Variants in TYW1 observed in about 807,000 individuals in gnomAD.
TYW1 encodes tRNA-yW synthesizing protein 1 homolog, also known as S-adenosyl-L-methionine-dependent tRNA 4-demethylwyosine synthase TYW1.
TYW1 carries 46 observed loss-of-function variants against 96.2 expected under a neutral mutation model. The observed-to-expected ratio is 0.48, with a 90% CI of 0.38 to 0.61. The LOEUF is 0.61. Among genes scored for constraint, TYW1 ranks in the 20% least tolerant of loss-of-function variants. The pLI is 0.00. For missense variants in TYW1, 684 were observed against 909.6 expected, an observed-to-expected ratio of 0.75 and a Z score of 3.19; for synonymous variants, 274 against 323.0, an observed-to-expected ratio of 0.85 and a Z score of 1.63.
rs537007961 is a variant in TYW1 at position 67,047,391 on chromosome 7, C to T, written c.985-2558C>T. Among the ~76,000 whole-genome samples, 16 of 152,276 alleles carry T rather than the reference C, an allele frequency of 1.1e-4. No homozygotes were observed. In the South Asian group the frequency reaches 2.5e-3, roughly 24 times the overall value. On this transcript the variant is annotated intron_variant, in intron 7 of 15. Transcript: ENST00000359626. Reference sequence around the variant, plus strand: ...GAAAACAAAAGGCAAAGGATTCCTTCTATTTTAAACTATCTTAATAAAATA... The same window carrying T: ...GAAAACAAAAGGCAAAGGATTCCTTTTATTTTAAACTATCTTAATAAAATA...
At chr7:67,084,195 T>C (rs1209933009) in intron 11 of TYW1, among the ~76,000 whole-genome samples, 1 of 152,206 alleles carries the variant, frequency 6.6e-6, no homozygotes, top group African/African-American at 2.4e-5. Flanking sequence ...AAATTTTAGG[T>C]TAGTGGAAAG....
At chr7:67,160,023 C>T (rs563491192) in intron 13 of TYW1, among the ~76,000 whole-genome samples, 2 of 152,148 alleles carry the variant, frequency 1.3e-5, no homozygotes, top group South Asian at 2.1e-4. Flanking sequence ...CAGATGGTCT[C>T]GATCTCCTGA....
At chr7:67,019,151 G>A (rs1794138830) in intron 6 of TYW1, among the ~76,000 whole-genome samples, 1 of 152,162 alleles carries the variant, frequency 6.6e-6, no homozygotes, top group Admixed American at 6.6e-5. Flanking sequence ...GTCTGCTGCT[G>A]ATTGTTTGAC....
chr7:67,055,832 C>T lies in TYW1; in HGVS notation c.1103-3C>T. On this transcript the variant is annotated splice_region_variant and splice_polypyrimidine_tract_variant and intron_variant, in intron 8 of 15. Coordinates refer to ENST00000359626, the MANE Select transcript of TYW1 (RefSeq NM_018264.4). ...ACTTTGTGTTCCCTGCTTTTCCACTCAGGTTATCAGTTGATTGGGAGCCAC... is the reference window on the plus strand; with the variant it reads ...ACTTTGTGTTCCCTGCTTTTCCACTTAGGTTATCAGTTGATTGGGAGCCAC... 6.2e-7 allele frequency: 1 copy of T among 1,609,746 alleles called. No individual in the cohort carries two copies. Among genetic ancestry groups the T allele is most frequent in the South Asian group, 1.1e-5 (1 of 90,292 alleles).
At chr7:67,099,861 G>T (rs1253763995) in intron 12 of TYW1, among the ~76,000 whole-genome samples, 5 of 152,102 alleles carry the variant, frequency 3.3e-5, no homozygotes, top group African/African-American at 1.2e-4. Flanking sequence ...AATTAGCTGG[G>T]CATGATGGTG....
chr7:67,154,362 C>G (rs571572127), intron 13 of TYW1, among the ~76,000 whole-genome samples: 22 of 152,274 alleles, frequency 1.4e-4, no homozygotes, highest in Non-Finnish European at 2.8e-4. Flanking sequence ...ATATAGGACT[C>G]CCTTAAACAT....
chr7:67,015,591 G>A (rs985546791), intron 5 of TYW1, among the ~76,000 whole-genome samples: 1 of 152,122 alleles, frequency 6.6e-6, no homozygotes, highest in African/African-American at 2.4e-5. Flanking sequence ...GCCTCAAGCA[G>A]TCCTACCCAC....
chr7:67,149,998 GCTTA>G (rs758341156), intron 13 of TYW1, among the ~76,000 whole-genome samples: 5 of 151,458 alleles, frequency 3.3e-5, no homozygotes, highest in African/African-American at 7.3e-5. Context: ...TCTTCTCCTG[GCTTA>G]TGAAAGCAAA....
intron 7 of TYW1, among the ~76,000 whole-genome samples, chr7:67,045,599 G>T (rs1043345501): frequency 8.5e-5 from 13 of 152,200 alleles, no homozygotes; most frequent in Non-Finnish European, 1.6e-4. Flanking sequence ...TAAGATTCAT[G>T]TAGTCCTGTC....
chr7:67,072,145 T>C (rs1162951174), intron 10 of TYW1, among the ~76,000 whole-genome samples: 1 of 149,942 alleles, frequency 6.7e-6, no homozygotes, highest in Non-Finnish European at 1.5e-5. Context: ...CTAGCTCTTC[T>C]TCCCAGGCAT....
chr7:67,218,321 C>T (rs1375460109), intron 15 of TYW1, among the ~76,000 whole-genome samples: 1 of 151,076 alleles, frequency 6.6e-6, no homozygotes, highest in African/African-American at 2.4e-5. Flanking sequence ...ATTTTTGATG[C>T]TATTGTATTT....
rs369362793 is a variant in TYW1 at position 67,117,951 on chromosome 7, C to T, written c.1698+333C>T. Among the ~76,000 whole-genome samples, 18 of 152,250 alleles carry T rather than the reference C, an allele frequency of 1.2e-4. No individual in the cohort carries two copies. The East Asian group carries it at 3.3e-3, about 28-fold the overall frequency. On this transcript the variant is annotated intron_variant, in intron 13 of 15. Coordinates refer to ENST00000359626, the MANE Select transcript of TYW1 (RefSeq NM_018264.4). The stretch of plus-strand genomic sequence containing the variant: ...TCCTAGAACCAATTCCCCATAGATA[C>T]CCAACCCGGAATCTATGGAAGATTG...
intron 13 of TYW1, among the ~76,000 whole-genome samples, chr7:67,157,648 C>CGGAT (rs1183213170): frequency 6.6e-6 from 1 of 152,150 alleles, no homozygotes; most frequent in Non-Finnish European, 1.5e-5. Context: ...TTTGGCTGAA[C>CGGAT]GGATGCCCCT....
chr7:67,115,547 A>G (rs1378569114), intron 12 of TYW1, among the ~76,000 whole-genome samples: 1 of 152,114 alleles, frequency 6.6e-6, no homozygotes, highest in East Asian at 1.9e-4. Flanking sequence ...AGAAGTCTAG[A>G]CACTTGTGAT....
chr7:67,067,763 CT>C (rs949005597), intron 10 of TYW1, among the ~76,000 whole-genome samples: 1 of 151,852 alleles, frequency 6.6e-6, no homozygotes, highest in Non-Finnish European at 1.5e-5. Flanking sequence ...ACATTGTTTT[CT>C]TTTTTTTCTA....
chr7:67,074,753 A>G (rs1413200590), intron 10 of TYW1, among the ~76,000 whole-genome samples: 1 of 152,216 alleles, frequency 6.6e-6, no homozygotes, highest in African/African-American at 2.4e-5. Flanking sequence ...TCTCAACTGT[A>G]GAATAAAACA....
intron 11 of TYW1, among the ~76,000 whole-genome samples, chr7:67,089,905 A>G (rs1276245685): frequency 6.6e-6 from 1 of 152,188 alleles, no homozygotes; most frequent in African/African-American, 2.4e-5. Flanking sequence ...AAGTACTACC[A>G]TGGCAGGGAG....
chr7:67,075,434 T>G (rs1796171789), intron 10 of TYW1, among the ~76,000 whole-genome samples: 1 of 152,140 alleles, frequency 6.6e-6, no homozygotes, highest in African/African-American at 2.4e-5. Context: ...AAATGACCAG[T>G]AAGCACATGA....
chr7:67,006,985 A>G (rs530498053), intron 3 of TYW1, among the ~76,000 whole-genome samples: 4 of 97,560 alleles, frequency 4.1e-5, no homozygotes, highest in Non-Finnish European at 2.0e-5. Context: ...TTTAACAGCC[A>G]TCTATGAACT....
Sources: gnomAD v4.1 joint callset for allele counts (sites outside exome capture counted in the v4.1 genomes callset) on GRCh38, gnomAD v4.1.1 for gene constraint, MANE v1.5 for transcripts, NCBI Gene and HGNC (gene_info 2026-07-23, HGNC 2026-07-21) for gene names.